NOX4: variants seen among roughly 807,000 people sequenced by gnomAD.
The protein encoded by NOX4 is kidney oxidase-1.
In NOX4, 69 loss-of-function variants were observed where a neutral mutation model predicts 87.6. The observed-to-expected ratio is 0.79, with a 90% CI of 0.65 to 0.96. The LOEUF (loss-of-function observed/expected upper bound fraction) is 0.96, where lower values mean the gene tolerates loss of function less well. Ranked by LOEUF, NOX4 falls within the 40% of genes least tolerant of loss-of-function variation. NOX4 has a pLI of 0.00. For synonymous variants in NOX4, 275 were observed against 238.2 expected (o/e 1.15, Z -1.42); for missense variants, 680 against 681.5 (o/e 1.00, Z 0.02).
intron 8 of NOX4, among the ~76,000 whole-genome samples, chr11:89,402,899 G>C (rs1197217976): frequency 6.6e-6 from 1 of 152,122 alleles, no homozygotes; most frequent in Non-Finnish European, 1.5e-5. Flanking sequence ...TCAATAAACA[G>C]TATAATGAGG....
At chr11:89,574,909 C>T in the NOX4 span, among the ~76,000 whole-genome samples, 8 of 152,172 alleles carry the variant, frequency 5.3e-5, no homozygotes, top group African/African-American at 7.2e-5. Flanking sequence ...TGAGGCCAGG[C>T]GCGGTGGCTC....
the NOX4 span, among the ~76,000 whole-genome samples, chr11:89,556,068 A>G: frequency 6.6e-6 from 1 of 152,180 alleles, no homozygotes; most frequent in African/African-American, 2.4e-5. Flanking sequence ...GGCCAAGAAC[A>G]GGGTAGACAG....
At chr11:89,498,309 A>G (rs1946980646), upstream of NOX4, 1 of 152,240 alleles carries the variant, frequency 6.6e-6, no homozygotes. Flanking sequence ...TTAGAAAAGT[A>G]TAGTAAAAAG....
chr11:89,340,102 G>A lies in NOX4; in HGVS notation c.1407C>T (p.Phe469=), dbSNP rs1945913330. 6.4e-7 allele frequency: 1 copy of A among 1,574,028 alleles called. No individual in the cohort carries two copies. Among genetic ancestry groups the A allele is most frequent in the Non-Finnish European group, 8.6e-7 (1 of 1,166,566 alleles). Residue 469 remains phenylalanine, a synonymous_variant, in exon 15 of 18, where the codon TTC becomes TTT. Transcript: ENST00000263317. ...TACAGAGTAAATCTGCAAACCAACG[G>A]AAGGACTGGATATCTCTGCATACCC... ...FIWVCRDIQS[F]RWFADLLCML...
chr11:89,381,800 T>C (rs944131822), intron 11 of NOX4, among the ~76,000 whole-genome samples: 2 of 152,198 alleles, frequency 1.3e-5, no homozygotes, highest in African/African-American at 4.8e-5. Flanking sequence ...CCAAGGAACA[T>C]CACCAATTTT....
chr11:89,326,603 T>C lies in NOX4; in HGVS notation c.*153A>G, dbSNP rs561702608. The C allele has an allele frequency of 5.3e-6, 3 of 570,402 alleles. No individual in the cohort carries two copies. The South Asian group carries it at 1.0e-4, about 20-fold the overall frequency. The allele number at this position is 570,402 out of a possible 1,614,324, so 35.3% of individuals were successfully genotyped here. A position where few individuals can be genotyped will look rare whatever the true frequency, so the allele number is the denominator to read the frequency against. The stretch of plus-strand genomic sequence containing the variant: ...TTAAACATGTAATGTGACGGTCATC[T>C]TGCCACATTCTCACATTTCCATTTT... On this transcript the variant is annotated 3_prime_UTR_variant, in exon 18 of 18. Coordinates refer to ENST00000263317, the MANE Select transcript of NOX4 (RefSeq NM_016931.5).
chr11:89,369,578 ACTAG>A (rs1939284763), intron 12 of NOX4, among the ~76,000 whole-genome samples: 1 of 152,096 alleles, frequency 6.6e-6, no homozygotes, highest in Non-Finnish European at 1.5e-5. Flanking sequence ...GTTGTAATTC[ACTAG>A]TCATGGCAAC....
intron 16 of NOX4, among the ~76,000 whole-genome samples, chr11:89,336,950 A>C (rs1945738565): frequency 6.6e-6 from 1 of 152,052 alleles, no homozygotes; most frequent in South Asian, 2.1e-4. Context: ...TATTAGTTTC[A>C]TCACTTGCAA....
chr11:89,496,845 T>C (rs913687804), upstream of NOX4, among the ~76,000 whole-genome samples: 10 of 152,222 alleles, frequency 6.6e-5, no homozygotes, highest in Non-Finnish European at 1.0e-4. Flanking sequence ...TCTTTATTTG[T>C]TCCTTAAATC....
intron 12 of NOX4, among the ~76,000 whole-genome samples, chr11:89,364,825 CT>C (rs960031471): frequency 6.6e-6 from 1 of 152,022 alleles, no homozygotes; most frequent in Non-Finnish European, 1.5e-5. Context: ...CAATAATGAA[CT>C]GAGAAATTAG....
intron 12 of NOX4, among the ~76,000 whole-genome samples, chr11:89,368,516 GAAGAGCAA>G (rs1328139346): frequency 6.6e-6 from 1 of 152,066 alleles, no homozygotes; most frequent in Non-Finnish European, 1.5e-5. Flanking sequence ...TTACATAACA[GAAGAGCAA>G]AAGAGCAAAG....
At chr11:89,373,293 AAAAAAC>A (rs1939590452) in intron 12 of NOX4, 133 bp downstream of exon 12, 5 of 494,108 alleles carry the variant, frequency 1.0e-5, no homozygotes, top group South Asian at 4.4e-5. Context: ...AAAAAAAAAA[AAAAAAC>A]AAAAAAAAAC....
chr11:89,466,251 T>C (rs1364587247), intron 2 of NOX4, among the ~76,000 whole-genome samples: 1 of 152,346 alleles, frequency 6.6e-6, no homozygotes, highest in East Asian at 1.9e-4. Flanking sequence ...AAGTAAGTTA[T>C]TGAAGAACAT....
At chr11:89,335,977 ATTTAG>A (rs1459595095) in intron 16 of NOX4, 32 bp from the exon 17 acceptor site, 5 of 1,365,618 alleles carry the variant, frequency 3.7e-6, no homozygotes, top group Admixed American at 1.9e-5. Context: ...ATTATTCGAT[ATTTAG>A]TTAAGTAAAC....
intron 8 of NOX4, among the ~76,000 whole-genome samples, chr11:89,419,414 T>A (rs1039790503): frequency 6.6e-6 from 1 of 151,940 alleles, no homozygotes; most frequent in African/African-American, 2.4e-5. Flanking sequence ...CAATCCTTCA[T>A]CAGTATAGTT....
chr11:89,361,948 T>A (rs1938556457), intron 12 of NOX4, among the ~76,000 whole-genome samples: 1 of 151,886 alleles, frequency 6.6e-6, no homozygotes, highest in African/African-American at 2.4e-5. Context: ...AGCAAATACC[T>A]CTCACAGAGC....
chr11:89,366,504 T>C (rs1939000749), intron 12 of NOX4, among the ~76,000 whole-genome samples: 1 of 151,882 alleles, frequency 6.6e-6, no homozygotes, highest in Non-Finnish European at 1.5e-5. Context: ...GGCAAAACCC[T>C]GCCTCTACAA....
intron 11 of NOX4, among the ~76,000 whole-genome samples, chr11:89,379,176 A>T (rs751876982): frequency 6.6e-6 from 1 of 152,164 alleles, no homozygotes; most frequent in Non-Finnish European, 1.5e-5. Flanking sequence ...TAATAAAGAG[A>T]TGTCAACACA....
chr11:89,415,981 T>C (rs922448741), intron 8 of NOX4, among the ~76,000 whole-genome samples: 1 of 152,136 alleles, frequency 6.6e-6, no homozygotes, highest in South Asian at 2.1e-4. Flanking sequence ...GTTTCTCAAA[T>C]ACACACACAG....
Sources: gnomAD v4.1 joint callset for allele counts (sites outside exome capture counted in the v4.1 genomes callset) on GRCh38, gnomAD v4.1.1 for gene constraint, MANE v1.5 for transcripts, NCBI Gene and HGNC (gene_info 2026-07-23, HGNC 2026-07-21) for gene names.